Variants in CCSER1 observed in about 807,000 individuals in gnomAD.
CCSER1 encodes coiled-coil serine rich protein 1.
A neutral mutation model predicts 82.0 loss-of-function variants in CCSER1; 41 were observed. The ratio of observed to expected loss-of-function variants is 0.50; its 90% CI spans 0.39 to 0.65. CCSER1 has a LOEUF of 0.65. Among genes scored for constraint, CCSER1 ranks in the 30% least tolerant of loss-of-function variants. The probability of loss-of-function intolerance (pLI) is 0.00; values close to 1 mark genes in which losing one functional copy is unlikely to be tolerated. For missense variants in CCSER1, 1,119 were observed against 1,064.2 expected, an observed-to-expected ratio of 1.05 and a Z score of -0.72; for synonymous variants, 414 against 383.9, an observed-to-expected ratio of 1.08 and a Z score of -0.92.
chr4:90,969,771 G>A (rs1581230632), intron 9 of CCSER1, among the ~76,000 whole-genome samples: 1 of 151,904 alleles, frequency 6.6e-6, no homozygotes, highest in African/African-American at 2.4e-5. Context: ...TATAGTTAAT[G>A]TCATAATTAT....
At position 90,838,969 on chromosome 4, in the gene CCSER1, C is replaced by G. The variant is rs562839766; in HGVS notation, c.2094+23124C>G. Reference sequence around the variant, plus strand: ...TGGAAGGCAGTGGATTTTTCTCTTGCGTCTCTGTCTTCTTCAGTTTCGGCT... The same window carrying G: ...TGGAAGGCAGTGGATTTTTCTCTTGGGTCTCTGTCTTCTTCAGTTTCGGCT... On this transcript the variant is annotated intron_variant, in intron 8 of 10. Transcript: ENST00000509176. The G allele has an allele frequency of 1.2e-5, 20 of 1,612,496 alleles. No homozygotes were observed. The South Asian group carries it at 2.1e-4, about 17-fold the overall frequency.
At chr4:90,270,511 A>G (rs373012080) in intron 1 of CCSER1, among the ~76,000 whole-genome samples, 7 of 152,108 alleles carry the variant, frequency 4.6e-5, no homozygotes, top group African/African-American at 1.4e-4. Context: ...AATAAAATCC[A>G]TATGTGATAG....
chr4:90,561,634 A>G (rs1579169127), intron 5 of CCSER1, among the ~76,000 whole-genome samples: 2 of 152,290 alleles, frequency 1.3e-5, no homozygotes, highest in East Asian at 3.9e-4. Context: ...TCCTAGTTGT[A>G]CAGAGATTGC....
intron 3 of CCSER1, among the ~76,000 whole-genome samples, chr4:90,348,441 G>A (rs986210418): frequency 1.3e-5 from 2 of 151,868 alleles, no homozygotes; most frequent in African/African-American, 2.4e-5. Flanking sequence ...TTATTCACAT[G>A]TATCTTGGAC....
At chr4:90,913,426 C>T (rs1371152221) in intron 8 of CCSER1, among the ~76,000 whole-genome samples, 1 of 152,122 alleles carries the variant, frequency 6.6e-6, no homozygotes, top group Non-Finnish European at 1.5e-5. Context: ...AAATCCTTTA[C>T]AGACAAGCAA....
intron 7 of CCSER1, 21 bp from the exon 8 acceptor site, chr4:90,815,741 G>T (rs1293371634): frequency 2.6e-6 from 4 of 1,532,510 alleles, no homozygotes; most frequent in Non-Finnish European, 2.7e-6. Flanking sequence ...CTATTATGCT[G>T]TCTCTTTGAT....
At chr4:90,412,342 C>A (rs1370831642) in intron 4 of CCSER1, among the ~76,000 whole-genome samples, 7 of 149,892 alleles carry the variant, frequency 4.7e-5, no homozygotes, top group African/African-American at 1.5e-4. Flanking sequence ...GGAGGGATAG[C>A]ATAGGGAGAT....
rs549469108 is a variant in CCSER1 at position 90,787,810 on chromosome 4, T to G, written c.2011-27952T>G. ...ATTTTGACCGGCATTTTGACTGGCA[T>G]TGTCTAGATATTTTGACTAGAAAGT... On this transcript the variant is annotated intron_variant, in intron 7 of 10. Transcript: ENST00000509176. 3.3e-5 allele frequency among the ~76,000 whole-genome samples: 5 copies of G among 152,312 alleles called. No individual in the cohort carries two copies. The East Asian group carries it at 9.7e-4, about 29-fold the overall frequency.
chr4:90,334,719 G>A (rs10516868), intron 3 of CCSER1, among the ~76,000 whole-genome samples: 43,047 of 151,924 alleles, frequency 0.28, 6,500 homozygotes, highest in African/African-American at 0.38. Flanking sequence ...AAATCTATTA[G>A]GGAGAATGGC....
At chr4:90,954,759 T>C (rs1428619655) in intron 9 of CCSER1, among the ~76,000 whole-genome samples, 2 of 150,816 alleles carry the variant, frequency 1.3e-5, no homozygotes, top group Non-Finnish European at 3.0e-5. Context: ...AAATTCGTTT[T>C]TATGTGTTGA....
intron 10 of CCSER1, among the ~76,000 whole-genome samples, chr4:91,187,577 G>A (rs1423715915): frequency 6.6e-6 from 1 of 151,712 alleles, no homozygotes; most frequent in Admixed American, 6.6e-5. Context: ...TTGAGACGGA[G>A]TTTTGCTCTT....
intron 10 of CCSER1, among the ~76,000 whole-genome samples, chr4:91,292,862 A>C (rs560106522): frequency 1.5e-4 from 23 of 151,940 alleles, no homozygotes; most frequent in Non-Finnish European, 2.8e-4. Flanking sequence ...CCACTTGTCT[A>C]TACTATTCCA....
chr4:90,605,057 GCTGA>G (rs1784498070), intron 5 of CCSER1, among the ~76,000 whole-genome samples: 1 of 152,170 alleles, frequency 6.6e-6, no homozygotes, highest in Admixed American at 6.5e-5. Context: ...TGTTGCTGCT[GCTGA>G]CTCTTTGGGT....
rs984240611 is a variant in CCSER1 at position 91,604,861 on chromosome 4, C to T, written c.*5804C>T. 5 of 151,764 alleles carry T rather than the reference C, an allele frequency of 3.3e-5. No individual in the cohort carries two copies. The highest frequency in any genetic ancestry group is 1.2e-4 in the African/African-American group (5 of 41,358). 9.4% of individuals were successfully genotyped at this position (151,764 alleles called of 1,614,324 possible). A position where few individuals can be genotyped will look rare whatever the true frequency, so the allele number is the denominator to read the frequency against. On this transcript the variant is annotated 3_prime_UTR_variant, in exon 11 of 11. Coordinates refer to ENST00000509176, the MANE Select transcript of CCSER1 (RefSeq NM_001145065.2). Reference sequence around the variant, plus strand: ...TATATTTTGTAGTCAATTATATATACCAAAATAATGTCTGAATAAGACGTA... The same window carrying T: ...TATATTTTGTAGTCAATTATATATATCAAAATAATGTCTGAATAAGACGTA...
intron 8 of CCSER1, among the ~76,000 whole-genome samples, chr4:90,897,617 T>G (rs529955947): frequency 6.6e-6 from 1 of 152,038 alleles, no homozygotes; most frequent in African/African-American, 2.4e-5. Context: ...AAGTGTCTTT[T>G]TGATGAAAAG....
At chr4:91,363,374 TGTG>T (rs1749390020) in intron 10 of CCSER1, among the ~76,000 whole-genome samples, 2 of 151,306 alleles carry the variant, frequency 1.3e-5, no homozygotes, top group Admixed American at 1.3e-4. Context: ...TGTGTGTGTG[TGTG>T]TGTGTGTGTG....
intron 1 of CCSER1, among the ~76,000 whole-genome samples, chr4:90,261,030 T>G (rs773151197): frequency 2.0e-5 from 3 of 152,206 alleles, no homozygotes; most frequent in Non-Finnish European, 2.9e-5. Flanking sequence ...GTTGGTTTTG[T>G]TAAACCCATT....
At chr4:91,107,699 T>A (rs562921775) in intron 10 of CCSER1, among the ~76,000 whole-genome samples, 18 of 151,528 alleles carry the variant, frequency 1.2e-4, no homozygotes, top group Non-Finnish European at 2.7e-4. Context: ...AAAAGCACCA[T>A]TTAGCCTATC....
At chr4:90,503,465 G>A (rs1770215411) in intron 5 of CCSER1, among the ~76,000 whole-genome samples, 2 of 152,034 alleles carry the variant, frequency 1.3e-5, no homozygotes, top group Admixed American at 6.6e-5. Context: ...ACAACGTGCA[G>A]GTTAGTTACA....
Sources: allele counts gnomAD v4.1 joint callset (sites outside exome capture counted in the v4.1 genomes callset), GRCh38; gene constraint gnomAD v4.1.1; transcripts MANE v1.5; gene names NCBI Gene and HGNC (gene_info 2026-07-23, HGNC 2026-07-21).